TTC39B: variants seen among roughly 807,000 people sequenced by gnomAD.
The protein encoded by TTC39B is tetratricopeptide repeat protein 39B.
Under a neutral mutation model 96.6 loss-of-function variants are expected in TTC39B, and 92 were observed. The ratio of observed to expected loss-of-function variants is 0.95; its 90% CI spans 0.80 to 1.13. TTC39B has a LOEUF of 1.13. Among genes scored for constraint, TTC39B ranks in the 50% most tolerant of loss-of-function variants. The probability of loss-of-function intolerance (pLI) is 0.00; values close to 1 mark genes in which losing one functional copy is unlikely to be tolerated. For synonymous variants in TTC39B, 367 were observed against 299.4 expected, an observed-to-expected ratio of 1.23 and a Z score of -2.33; for missense variants, 955 against 809.3, an observed-to-expected ratio of 1.18 and a Z score of -2.18.
At chr9:15,238,418 T>C (rs767998648) in intron 2 of TTC39B, among the ~76,000 whole-genome samples, 2 of 152,206 alleles carry the variant, frequency 1.3e-5, no homozygotes, top group African/African-American at 2.4e-5. Context: ...AAAAGACTCC[T>C]AGATTTGATA....
chr9:15,189,984 A>G (rs1818763598), intron 11 of TTC39B, among the ~76,000 whole-genome samples, 192 bp from the exon 12 acceptor site: 1 of 152,252 alleles, frequency 6.6e-6, no homozygotes, highest in Admixed American at 6.5e-5. Context: ...AGAAAGCTCT[A>G]GGACACACTA....
chr9:15,211,576 A>G lies in TTC39B; in HGVS notation c.483-179T>C, dbSNP rs115875011. 5.3e-3 allele frequency among the ~76,000 whole-genome samples: 809 copies of G among 152,316 alleles called. 10 individuals are homozygous for G. The highest frequency in any genetic ancestry group is 0.018 in the African/African-American group (753 of 41,568). ...AAACTCAAGTACCAAGGACTTTCCA[A>G]TGTAAACCCACACAGGCAGAACAAA... On this transcript the variant is annotated intron_variant, in intron 4 of 19. Transcript: ENST00000512701.
chr9:15,243,250 A>G (rs1409157668), intron 2 of TTC39B, among the ~76,000 whole-genome samples: 1 of 152,188 alleles, frequency 6.6e-6, no homozygotes, highest in Non-Finnish European at 1.5e-5. Context: ...CCCCTCCCAC[A>G]TCTCCCAGAA....
intron 8 of TTC39B, among the ~76,000 whole-genome samples, chr9:15,196,734 G>C (rs1448186261): frequency 6.6e-6 from 1 of 152,192 alleles, no homozygotes; most frequent in Non-Finnish European, 1.5e-5. Flanking sequence ...AATAAACTTA[G>C]CTGATAAAGC....
rs973426020 is a variant in TTC39B at position 15,289,955 on chromosome 9, G to T, written c.240+17129C>A. 2.0e-5 allele frequency among the ~76,000 whole-genome samples: 3 copies of T among 152,108 alleles called. No individual in the cohort carries two copies. The South Asian group carries it at 6.2e-4, about 32-fold the overall frequency. ...ACCCCCCTGATGATGTCCAGTGTGA[G>T]AGCCAAAGCCAAACACTGACCCAAA... On this transcript the variant is annotated intron_variant, in intron 1 of 19. Transcript: ENST00000512701.
intron 3 of TTC39B, among the ~76,000 whole-genome samples, chr9:15,216,051 G>A (rs375110049): frequency 6.6e-6 from 1 of 151,938 alleles, no homozygotes; most frequent in East Asian, 1.9e-4. Flanking sequence ...CTCTCTCCTC[G>A]CAGGTCTTCT....
At position 15,189,810 on chromosome 9, in the gene TTC39B, A is replaced by G. The variant is rs760612555; in HGVS notation, c.1106-18T>C. On this transcript the variant is annotated intron_variant, in intron 11 of 19. Coordinates refer to ENST00000512701, the Ensembl canonical transcript of TTC39B. ...TCCTGTACCTAGAAATTTAACAGGA[A>G]AAGACTCAGTCTTCATAAGACATGG... 1 of 1,566,576 alleles carries G rather than the reference A, an allele frequency of 6.4e-7. No individual in the cohort carries two copies. The highest frequency in any genetic ancestry group is 1.7e-5 in the Admixed American group (1 of 57,256).
chr9:15,304,732 C>T lies in TTC39B; in HGVS notation c.240+2352G>A, dbSNP rs544617256. 6.4e-4 allele frequency among the ~76,000 whole-genome samples: 97 copies of T among 152,126 alleles called. No homozygotes were observed. The Middle Eastern group carries it at 0.01, about 16-fold the overall frequency. ...AGAACACTTAGGGCTAATCCAGCCC[C>T]TCCTTCTTCAGATAAGGGAACTGAA... On this transcript the variant is annotated intron_variant, in intron 1 of 19. Transcript: ENST00000512701.
intron 1 of TTC39B, among the ~76,000 whole-genome samples, chr9:15,272,685 G>C (rs764561075): frequency 6.6e-6 from 1 of 152,152 alleles, no homozygotes. Context: ...TCTCTAGTTG[G>C]AGTCAAGCAC....
chr9:15,302,895 C>T (rs1440947464), intron 1 of TTC39B, among the ~76,000 whole-genome samples: 23 of 149,944 alleles, frequency 1.5e-4, no homozygotes, highest in East Asian at 1.2e-3. Flanking sequence ...TTTGGCCGGG[C>T]GCAGTGGCTC....
At chr9:15,287,185 T>A (rs2131594902) in intron 1 of TTC39B, among the ~76,000 whole-genome samples, 1 of 152,340 alleles carries the variant, frequency 6.6e-6, no homozygotes, top group Non-Finnish European at 1.5e-5. Context: ...TCTAAATGCT[T>A]GGAGGGGAGC....
chr9:15,234,356 TG>T (rs1229325265), intron 2 of TTC39B, among the ~76,000 whole-genome samples: 4 of 131,328 alleles, frequency 3.0e-5, no homozygotes, highest in Non-Finnish European at 6.5e-5. Context: ...GGCAGGGAGG[TG>T]GGGGGGTCAG....
At chr9:15,238,294 T>A (rs1821880476) in intron 2 of TTC39B, among the ~76,000 whole-genome samples, 7 of 152,006 alleles carry the variant, frequency 4.6e-5, no homozygotes, top group Admixed American at 4.6e-4. Context: ...ATAAAAGGCA[T>A]CCAAATTGGA....
chr9:15,253,580 T>C (rs1232335329), intron 2 of TTC39B, among the ~76,000 whole-genome samples: 2 of 152,254 alleles, frequency 1.3e-5, no homozygotes, highest in Non-Finnish European at 1.5e-5. Context: ...TAATCTGTTA[T>C]AGCAGCCATA....
exon 14 of TTC39B, chr9:15,188,106 A>C (rs1350887012): frequency 6.2e-7 from 1 of 1,608,044 alleles, no homozygotes; most frequent in Admixed American, 1.7e-5. Context: ...CTTGAACTGA[A>C]ATGCATTTTT....
intron 2 of TTC39B, among the ~76,000 whole-genome samples, chr9:15,239,438 T>A (rs188448329): frequency 6.6e-6 from 1 of 152,256 alleles, no homozygotes. Flanking sequence ...GGAAAAGAAA[T>A]CATTATATAA....
At chr9:15,219,170 G>C (rs1313631086) in intron 3 of TTC39B, among the ~76,000 whole-genome samples, 1 of 152,170 alleles carries the variant, frequency 6.6e-6, no homozygotes, top group Non-Finnish European at 1.5e-5. Context: ...CTTTACCTCT[G>C]TAAGTCTCAG....
intron 2 of TTC39B, among the ~76,000 whole-genome samples, chr9:15,241,455 A>G (rs1163783636): frequency 6.6e-6 from 1 of 152,006 alleles, no homozygotes; most frequent in Non-Finnish European, 1.5e-5. Context: ...CAGGCATGGT[A>G]TCAGATGTTA....
At chr9:15,186,076 C>T (rs993789091) in intron 15 of TTC39B, among the ~76,000 whole-genome samples, 3 of 152,108 alleles carry the variant, frequency 2.0e-5, no homozygotes, top group Admixed American at 2.0e-4. Context: ...TTCCTGGGAG[C>T]ACTTTCTTAT....
Sources: gnomAD v4.1 joint callset for allele counts (sites outside exome capture counted in the v4.1 genomes callset) on GRCh38, gnomAD v4.1.1 for gene constraint, MANE v1.5 for transcripts, NCBI Gene and HGNC (gene_info 2026-07-23, HGNC 2026-07-21) for gene names.